Variants in ST6GALNAC3 observed in about 807,000 individuals in gnomAD.
ST6GALNAC3 encodes ST6 N-acetylgalactosaminide alpha-2,6-sialyltransferase 3.
ST6GALNAC3 carries 25 observed loss-of-function variants against 32.7 expected under a neutral mutation model. That is an observed-to-expected ratio of 0.76 (90% CI 0.56 to 1.07). The LOEUF is 1.07. Among genes scored for constraint, ST6GALNAC3 ranks in the 50% least tolerant of loss-of-function variants. The probability of loss-of-function intolerance (pLI) is 0.00; values close to 1 mark genes in which losing one functional copy is unlikely to be tolerated. For synonymous variants in ST6GALNAC3, 129 were observed against 133.1 expected (o/e 0.97, Z 0.21); for missense variants, 355 against 382.4 (o/e 0.93, Z 0.60).
intron 1 of ST6GALNAC3, among the ~76,000 whole-genome samples, chr1:76,157,140 A>G (rs1333124516): frequency 2.0e-5 from 3 of 152,056 alleles, no homozygotes; most frequent in African/African-American, 7.2e-5. Context: ...ACAGCAAGAA[A>G]ACATGTGCAT....
intron 2 of ST6GALNAC3, among the ~76,000 whole-genome samples, chr1:76,317,623 A>G (rs1023911473): frequency 6.6e-6 from 1 of 152,156 alleles, no homozygotes. Flanking sequence ...GGAAATTACT[A>G]AACTTCTTAG....
chr1:76,538,232 C>T (rs751601469), intron 3 of ST6GALNAC3, among the ~76,000 whole-genome samples: 10 of 152,050 alleles, frequency 6.6e-5, no homozygotes, highest in South Asian at 4.1e-4. Flanking sequence ...AATCGATAAA[C>T]GTAATCCATC....
chr1:76,467,889 T>C (rs887668614), intron 3 of ST6GALNAC3, among the ~76,000 whole-genome samples: 4 of 152,016 alleles, frequency 2.6e-5, no homozygotes, highest in Non-Finnish European at 1.5e-5. Flanking sequence ...ACTGTATAAA[T>C]GGAATGAAAG....
At chr1:76,562,744 T>G (rs1665319059) in intron 3 of ST6GALNAC3, among the ~76,000 whole-genome samples, 1 of 152,212 alleles carries the variant, frequency 6.6e-6, no homozygotes, top group Non-Finnish European at 1.5e-5. Flanking sequence ...TGAAAACGTT[T>G]GTTTAATAGA....
chr1:76,597,403 C>G (rs1347731887), intron 3 of ST6GALNAC3, among the ~76,000 whole-genome samples: 1 of 152,046 alleles, frequency 6.6e-6, no homozygotes, highest in Non-Finnish European at 1.5e-5. Context: ...CCACACAGCC[C>G]AGACATACAC....
chr1:76,273,117 G>T (rs1011921276), intron 1 of ST6GALNAC3, among the ~76,000 whole-genome samples: 5 of 152,242 alleles, frequency 3.3e-5, no homozygotes, highest in African/African-American at 1.2e-4. Context: ...GATAAAGAAG[G>T]TATTGCCTGG....
At chr1:76,104,896 A>G (rs907158281) in intron 1 of ST6GALNAC3, among the ~76,000 whole-genome samples, 6 of 152,100 alleles carry the variant, frequency 3.9e-5, no homozygotes, top group Non-Finnish European at 7.4e-5. Flanking sequence ...AAACCATCAG[A>G]TCTTGTGAGA....
intron 2 of ST6GALNAC3, among the ~76,000 whole-genome samples, chr1:76,330,768 G>A (rs1647174932): frequency 6.6e-6 from 1 of 152,284 alleles, no homozygotes; most frequent in African/African-American, 2.4e-5. Context: ...AACTACAGGA[G>A]GCTGCTGCAA....
chr1:76,635,946 C>T (rs1649494458), downstream of ST6GALNAC3, among the ~76,000 whole-genome samples: 2 of 152,140 alleles, frequency 1.3e-5, no homozygotes, highest in Non-Finnish European at 1.5e-5. Context: ...ATTTGATGAA[C>T]ATGTAGCTCT....
At chr1:76,160,427 T>G (rs1404715215) in intron 1 of ST6GALNAC3, among the ~76,000 whole-genome samples, 3 of 152,132 alleles carry the variant, frequency 2.0e-5, no homozygotes, top group African/African-American at 7.2e-5. Context: ...CGCAATAGTC[T>G]AGGTGAGATC....
intron 1 of ST6GALNAC3, among the ~76,000 whole-genome samples, chr1:76,224,610 C>A (rs1007385854): frequency 3.9e-5 from 6 of 152,120 alleles, no homozygotes; most frequent in African/African-American, 1.4e-4. Context: ...ATAACAAATA[C>A]CTCTAAGTAT....
chr1:76,120,572 A>G (rs1164163897), intron 1 of ST6GALNAC3, among the ~76,000 whole-genome samples: 5 of 152,204 alleles, frequency 3.3e-5, no homozygotes, highest in African/African-American at 1.2e-4. Context: ...ACTGAAGCTC[A>G]GAGAAATTAT....
At chr1:76,410,418 C>G (rs968099502) in intron 2 of ST6GALNAC3, among the ~76,000 whole-genome samples, 2 of 152,052 alleles carry the variant, frequency 1.3e-5, no homozygotes, top group Admixed American at 6.6e-5. Context: ...GGTTACTCCA[C>G]CAACTCTCTC....
chr1:76,584,712 A>C (rs572369985), intron 3 of ST6GALNAC3, among the ~76,000 whole-genome samples: 1 of 152,242 alleles, frequency 6.6e-6, no homozygotes, highest in Non-Finnish European at 1.5e-5. Flanking sequence ...GGAAACTGGC[A>C]TGAGTCATGC....
At chr1:76,230,176 A>G (rs1416086993) in intron 1 of ST6GALNAC3, among the ~76,000 whole-genome samples, 1 of 152,230 alleles carries the variant, frequency 6.6e-6, no homozygotes, top group Non-Finnish European at 1.5e-5. Flanking sequence ...AAATTCAATG[A>G]CATTTCAGCA....
chr1:76,255,830 G>C (rs960592029), intron 1 of ST6GALNAC3, among the ~76,000 whole-genome samples: 2 of 151,832 alleles, frequency 1.3e-5, no homozygotes, highest in Admixed American at 1.3e-4. Flanking sequence ...AACTAGAAGA[G>C]TAGAAAAAAG....
intron 2 of ST6GALNAC3, among the ~76,000 whole-genome samples, chr1:76,330,525 T>C (rs1557793348): frequency 6.6e-6 from 1 of 152,232 alleles, no homozygotes; most frequent in Non-Finnish European, 1.5e-5. Flanking sequence ...GCTAGCTATA[T>C]ACTGTTGGTC....
chr1:76,160,042 G>C (rs1410218818), intron 1 of ST6GALNAC3, among the ~76,000 whole-genome samples: 1 of 152,144 alleles, frequency 6.6e-6, no homozygotes, highest in Non-Finnish European at 1.5e-5. Context: ...TTGTAGGATT[G>C]TTGGTGAAAC....
At chr1:76,289,529 T>G (rs1429207963) in intron 1 of ST6GALNAC3, among the ~76,000 whole-genome samples, 3 of 152,208 alleles carry the variant, frequency 2.0e-5, no homozygotes, top group South Asian at 2.1e-4. Context: ...GCAAAAAGTT[T>G]AAATTCAGGA....
Sources: allele counts gnomAD v4.1 joint callset (sites outside exome capture counted in the v4.1 genomes callset), GRCh38; gene constraint gnomAD v4.1.1; transcripts MANE v1.5; gene names NCBI Gene and HGNC (gene_info 2026-07-23, HGNC 2026-07-21).